Variants in ZNF592 observed in about 807,000 individuals in gnomAD.
The protein encoded by ZNF592 is zinc finger protein 592.
Under a neutral mutation model 80.3 loss-of-function variants are expected in ZNF592, and 11 were observed. The observed-to-expected ratio is 0.14, with a 90% CI of 0.09 to 0.23. The LOEUF (loss-of-function observed/expected upper bound fraction) is 0.23, where lower values mean the gene tolerates loss of function less well. Ranked by LOEUF, ZNF592 falls within the 10% of genes least tolerant of loss-of-function variation. The pLI is 1.00. For missense variants in ZNF592, 1,420 were observed against 1,633.9 expected, an observed-to-expected ratio of 0.87 and a Z score of 2.26; for synonymous variants, 646 against 640.3, an observed-to-expected ratio of 1.01 and a Z score of -0.13.
In ZNF592 at chr15:84,782,648, C is replaced by A; in HGVS notation, c.-19-9C>A. ...TGGTCACTGATTCTGTTTTCTGTTT[C>A]TGTTACAGCCCTTGCCAGCATCCAG... is the stretch of plus-strand genomic sequence containing the variant. On this transcript the variant is annotated splice_polypyrimidine_tract_variant and intron_variant, in intron 3 of 10. Coordinates refer to ENST00000560079, the MANE Select transcript of ZNF592 (RefSeq NM_014630.3). The A allele has an allele frequency of 6.2e-7, 1 of 1,613,676 alleles. No homozygotes were observed. Among genetic ancestry groups the A allele is most frequent in the East Asian group, 2.2e-5 (1 of 44,880 alleles).
At chr15:84,785,520 C>T (rs927439031) in intron 4 of ZNF592, among the ~76,000 whole-genome samples, 2 of 152,222 alleles carry the variant, frequency 1.3e-5, no homozygotes, top group Non-Finnish European at 2.9e-5. Flanking sequence ...CCATGTTGCC[C>T]AGGCTGTTCT....
At chr15:84,776,987 G>C (rs981552541) in intron 2 of ZNF592, among the ~76,000 whole-genome samples, 1 of 152,106 alleles carries the variant, frequency 6.6e-6, no homozygotes, top group Non-Finnish European at 1.5e-5. Context: ...GGGAGGCGGA[G>C]GTTGCAGTGA....
At chr15:84,773,149 A>G (rs1962133396) in intron 2 of ZNF592, among the ~76,000 whole-genome samples, 1 of 151,796 alleles carries the variant, frequency 6.6e-6, no homozygotes. Flanking sequence ...TTTTCTGACA[A>G]TAGATAAAAT....
chr15:84,783,325 A>T lies in ZNF592; in HGVS notation c.650A>T (p.Glu217Val). 6.2e-7 allele frequency: 1 copy of T among 1,614,236 alleles called. No homozygotes were observed. Among genetic ancestry groups the T allele is most frequent in the African/African-American group, 1.3e-5 (1 of 75,054 alleles). The stretch of plus-strand genomic sequence containing the variant: ...CCCCTGCCCTTGGGGAGCCAGCAGG[A>T]ACACGAGCAAAGTGGGCAGAACACA... Reference protein sequence around the residue: ...PEPLPLGSQQEHEQSGQNTVE... With the variant: ...PEPLPLGSQQVHEQSGQNTVE... The change falls in exon 4 of 11, where the codon GAA (glutamate) becomes GTA (valine). Residue 217 changes from glutamate (E) to valine (V), a missense_variant. Around this residue, in one of 7 missense-constraint regions of ZNF592, gnomAD observed 373 missense variants for 355.5 expected, o/e 1.05. Coordinates refer to ENST00000560079, the MANE Select transcript of ZNF592 (RefSeq NM_014630.3). This position sits in a 1 kb window ranked among gnomAD's most constrained non-coding sequence, Gnocchi z 5.0.
rs374769316 is a variant in ZNF592 at position 84,806,422 on chromosome 15, CAT to C, written c.*4032_*4033del. On this transcript the variant is annotated 3_prime_UTR_variant, in exon 11 of 11. Transcript: ENST00000560079. ...CATTTTAGAGAAATTAAAAAGCACACATATTTATAATCTCTTCCTCTTACCAT... is the reference window on the plus strand; with the variant it reads ...CATTTTAGAGAAATTAAAAAGCACACATTTATAATCTCTTCCTCTTACCAT... The C allele has an allele frequency of 7.9e-5, 12 of 152,298 alleles. No homozygotes were observed. In the East Asian group the frequency reaches 2.3e-3, roughly 29 times the overall value. The allele number at this position is 152,298 out of a possible 1,614,324, so 9.4% of individuals were successfully genotyped here.
At chr15:84,795,787 T>C in intron 5 of ZNF592, among the ~76,000 whole-genome samples, 1 of 152,182 alleles carries the variant, frequency 6.6e-6, no homozygotes, top group Non-Finnish European at 1.5e-5. Context: ...AATGTAGTAA[T>C]GAATGCTCTG....
At chr15:84,754,730 A>C (rs909184509) in intron 1 of ZNF592, among the ~76,000 whole-genome samples, 7 of 151,478 alleles carry the variant, frequency 4.6e-5, no homozygotes, top group African/African-American at 1.7e-4. Context: ...AAGAGAGGTA[A>C]TGGTGGCTCC....
In ZNF592 at chr15:84,782,965, G is replaced by C; in HGVS notation, c.290G>C (p.Gly97Ala). The change falls in exon 4 of 11, where the codon GGC becomes GCC. Residue 97 changes from glycine to alanine, a missense_variant. Around this residue, in one of 7 missense-constraint regions of ZNF592, gnomAD observed 373 missense variants for 355.5 expected, o/e 1.05. Transcript: ENST00000560079. ...AGTCTCCTACACAATGGATTCCGGG[G>C]CTCAGATCTGCCTCCAGATCCCCAC... ...TPSLLHNGFR[G>A]SDLPPDPHNC... 6.2e-7 allele frequency: 1 copy of C among 1,614,102 alleles called. No individual in the cohort carries two copies. The highest frequency in any genetic ancestry group is 8.5e-7 in the Non-Finnish European group (1 of 1,180,024).
chr15:84,777,987 C>T (rs781054938), intron 2 of ZNF592, among the ~76,000 whole-genome samples, 196 bp from the exon 3 acceptor site: 7 of 152,178 alleles, frequency 4.6e-5, no homozygotes, highest in Non-Finnish European at 1.0e-4. Flanking sequence ...CGTGAGCCAC[C>T]GTGCCCGGCC....
intron 2 of ZNF592, among the ~76,000 whole-genome samples, chr15:84,775,275 T>TGG (rs1008231578): frequency 3.9e-5 from 6 of 152,072 alleles, no homozygotes; most frequent in Admixed American, 2.0e-4. Flanking sequence ...TTTGTATTTT[T>TGG]GGTAGAGACA....
chr15:84,766,643 A>G (rs1899529754), intron 2 of ZNF592, among the ~76,000 whole-genome samples: 1 of 150,876 alleles, frequency 6.6e-6, no homozygotes, highest in African/African-American at 2.4e-5. Context: ...GGACAGGGGA[A>G]GAGAAGAGAG....
intron 1 of ZNF592, chr15:84,754,389 C>T (rs967870271): frequency 1.3e-5 from 2 of 151,998 alleles, no homozygotes; most frequent in Non-Finnish European, 2.9e-5. Flanking sequence ...TGGTAAAATC[C>T]CATCTCTACT....
Position 84,797,872 on chromosome 15 carries a change from C to T in ZNF592, c.2403C>T (p.Cys801=), listed in dbSNP as rs769889024. The T allele has an allele frequency of 9.9e-6, 16 of 1,614,118 alleles. No homozygotes were observed. Among genetic ancestry groups the T allele is most frequent in the African/African-American group, 1.3e-5 (1 of 74,938 alleles). ...ACACTACCCCACTTCTGTCTAGGTG[C>T]ATCCACTGTGGTGTCGTCCACCTGA... ...LHYARKVGYR[C]IHCGVVHLTL... Residue 801 remains cysteine (C), a synonymous_variant, in exon 6 of 11, where the codon TGC becomes TGT. Transcript: ENST00000560079.
intron 2 of ZNF592, among the ~76,000 whole-genome samples, chr15:84,768,836 A>G (rs978420194): frequency 2.0e-5 from 3 of 152,258 alleles, no homozygotes; most frequent in African/African-American, 7.2e-5. Flanking sequence ...AAAAATTTGC[A>G]TATTTGCAAA....
chr15:84,763,754 G>A (rs1567060852), intron 1 of ZNF592, among the ~76,000 whole-genome samples: 1 of 152,168 alleles, frequency 6.6e-6, no homozygotes, highest in Non-Finnish European at 1.5e-5. Context: ...GAAGTCAAGC[G>A]AGGGAATGCA....
chr15:84,752,845 A>T (rs553389350), intron 1 of ZNF592, among the ~76,000 whole-genome samples: 73 of 152,274 alleles, frequency 4.8e-4, no homozygotes, highest in African/African-American at 1.6e-3. Context: ...AGAGAGACTG[A>T]CTCACTAACC....
rs949860005 is a variant in ZNF592 at position 84,798,184 on chromosome 15, G to A, written c.2577-131G>A. The A allele has an allele frequency of 2.6e-6, 4 of 1,564,636 alleles. No homozygotes were observed. In the Admixed American group the frequency reaches 5.0e-5, roughly 20 times the overall value. Reference sequence around the variant, plus strand: ...TGGGGTCGTACTAAGGATGTCCTGAGGCAGGGGAGCATCCACATTGGCTCA... The same window carrying A: ...TGGGGTCGTACTAAGGATGTCCTGAAGCAGGGGAGCATCCACATTGGCTCA... On this transcript the variant is annotated intron_variant, in intron 6 of 10. Transcript: ENST00000560079. The surrounding 1 kb of genome is among the most constrained non-coding windows in gnomAD (Gnocchi z 4.5).
chr15:84,778,303 T>C lies in ZNF592; in HGVS notation c.-29T>C, dbSNP rs933303269. Reference sequence around the variant, plus strand: ...AGAGGAGGTCCCTACCTGCCACGGATACCAGTCAGGTACACATGCAGAGGC... The same window carrying C: ...AGAGGAGGTCCCTACCTGCCACGGACACCAGTCAGGTACACATGCAGAGGC... On this transcript the variant is annotated 5_prime_UTR_variant, in exon 3 of 11. Transcript: ENST00000560079. The C allele has an allele frequency of 4.0e-5, 11 of 276,742 alleles. No homozygotes were observed. Among genetic ancestry groups the C allele is most frequent in the Non-Finnish European group, 5.1e-5 (7 of 138,300 alleles). 17.1% of individuals were successfully genotyped at this position (276,742 alleles called of 1,614,324 possible).
intron 1 of ZNF592, among the ~76,000 whole-genome samples, chr15:84,762,152 G>C (rs1200907216): frequency 6.6e-6 from 1 of 152,122 alleles, no homozygotes; most frequent in East Asian, 1.9e-4. Flanking sequence ...ACTATTCTAG[G>C]CACTGGGAAT....
Sources: allele counts gnomAD v4.1 joint callset (sites outside exome capture counted in the v4.1 genomes callset), GRCh38; gene constraint gnomAD v4.1.1; regional missense constraint gnomAD v4.1.1; non-coding constraint Gnocchi (gnomAD v3.1); transcripts MANE v1.5; gene names NCBI Gene and HGNC (gene_info 2026-07-23, HGNC 2026-07-21).